SGCZ: variants seen among roughly 807,000 people sequenced by gnomAD.
SGCZ encodes sarcoglycan zeta, also known as zeta-sarcoglycan.
SGCZ carries 40 observed loss-of-function variants against 41.3 expected under a neutral mutation model. The ratio of observed to expected loss-of-function variants is 0.97; its 90% CI spans 0.75 to 1.26. The LOEUF is 1.26. Ranked by LOEUF, SGCZ falls within the 50% of genes most tolerant of loss-of-function variation. SGCZ has a pLI of 0.00. For missense variants in SGCZ, 552 were observed against 369.8 expected, an observed-to-expected ratio of 1.49 and a Z score of -4.04; for synonymous variants, 206 against 137.5, an observed-to-expected ratio of 1.50 and a Z score of -3.49.
At chr8:14,436,152 G>C (rs1029417583) in intron 2 of SGCZ, among the ~76,000 whole-genome samples, 8 of 152,050 alleles carry the variant, frequency 5.3e-5, no homozygotes, top group Admixed American at 4.6e-4. Flanking sequence ...GTGATGTTTC[G>C]ATCCTCTGCC....
At chr8:14,997,165 A>G (rs986188029) in intron 1 of SGCZ, among the ~76,000 whole-genome samples, 2 of 152,148 alleles carry the variant, frequency 1.3e-5, no homozygotes, top group Non-Finnish European at 2.9e-5. Flanking sequence ...TCACATTCAC[A>G]TATCTGTCCC....
chr8:14,467,573 C>T (rs780157611), intron 2 of SGCZ, among the ~76,000 whole-genome samples: 32 of 152,120 alleles, frequency 2.1e-4, no homozygotes, highest in African/African-American at 6.5e-4. Flanking sequence ...GAGGAGCAAT[C>T]GACTGAAATT....
intron 7 of SGCZ, among the ~76,000 whole-genome samples, chr8:14,101,165 A>C (rs529231776): frequency 1.1e-3 from 161 of 152,294 alleles, no homozygotes; most frequent in African/African-American, 3.5e-3. Context: ...AAACATAATC[A>C]CTAAAATTAA....
At chr8:14,730,870 T>C (rs945542976) in intron 1 of SGCZ, among the ~76,000 whole-genome samples, 2 of 151,774 alleles carry the variant, frequency 1.3e-5, no homozygotes, top group Non-Finnish European at 2.9e-5. Context: ...TGGCGATCAA[T>C]AAAAAGTCAG....
At chr8:14,208,980 G>A (rs976936506) in intron 4 of SGCZ, among the ~76,000 whole-genome samples, 1 of 152,140 alleles carries the variant, frequency 6.6e-6, no homozygotes, top group African/African-American at 2.4e-5. Flanking sequence ...GGACAAACAA[G>A]CTGGAAGCTC....
At chr8:14,300,279 C>A (rs527316580) in intron 3 of SGCZ, among the ~76,000 whole-genome samples, 1 of 148,488 alleles carries the variant, frequency 6.7e-6, no homozygotes, top group African/African-American at 2.5e-5. Flanking sequence ...GGAAGGAAGG[C>A]ATAAAGGGAA....
chr8:14,701,516 A>C (rs1450746652), intron 1 of SGCZ, among the ~76,000 whole-genome samples: 2 of 151,934 alleles, frequency 1.3e-5, no homozygotes, highest in African/African-American at 4.8e-5. Flanking sequence ...AATGAAAACA[A>C]CCAGCAATCA....
chr8:14,274,622 T>C (rs2117271708), intron 3 of SGCZ, among the ~76,000 whole-genome samples: 1 of 152,278 alleles, frequency 6.6e-6, no homozygotes, highest in South Asian at 2.1e-4. Flanking sequence ...TTAGTCCAGA[T>C]ACGAGCTTAT....
chr8:14,382,214 C>T (rs924108772), intron 2 of SGCZ, among the ~76,000 whole-genome samples: 13 of 152,024 alleles, frequency 8.6e-5, no homozygotes, highest in Non-Finnish European at 4.4e-5. Flanking sequence ...ATATCATCAC[C>T]CCCTTGAGCT....
chr8:14,774,325 T>C (rs1017553098), intron 1 of SGCZ, among the ~76,000 whole-genome samples: 2 of 152,188 alleles, frequency 1.3e-5, no homozygotes, highest in Admixed American at 1.3e-4. Context: ...ATCAGCCAAT[T>C]TCTTAAGTGT....
At chr8:14,263,355 C>A (rs943145917) in intron 3 of SGCZ, among the ~76,000 whole-genome samples, 4 of 151,998 alleles carry the variant, frequency 2.6e-5, no homozygotes, top group Non-Finnish European at 5.9e-5. Flanking sequence ...TTGAAACCAG[C>A]CTGGCCAACA....
chr8:14,118,409 TGG>T (rs1343922491), intron 5 of SGCZ, among the ~76,000 whole-genome samples: 3 of 151,234 alleles, frequency 2.0e-5, no homozygotes, highest in African/African-American at 7.4e-5. Flanking sequence ...CACTTTTTGA[TGG>T]GGTTGTTTTT....
chr8:14,909,497 C>G (rs776929611), intron 1 of SGCZ, among the ~76,000 whole-genome samples: 2 of 151,982 alleles, frequency 1.3e-5, no homozygotes, highest in African/African-American at 2.4e-5. Context: ...CTTAAATTAT[C>G]TGTGTCTGAT....
intron 1 of SGCZ, among the ~76,000 whole-genome samples, chr8:15,048,596 T>C (rs568561746): frequency 2.6e-5 from 4 of 152,218 alleles, no homozygotes; most frequent in Non-Finnish European, 5.9e-5. Context: ...ATGCACCCCA[T>C]AGATATGTAC....
intron 1 of SGCZ, among the ~76,000 whole-genome samples, chr8:14,650,561 G>A (rs1004714694): frequency 2.6e-5 from 4 of 151,838 alleles, no homozygotes; most frequent in South Asian, 2.1e-4. Context: ...TTGTGTCCAC[G>A]TGTCCTCATC....
At chr8:15,070,268 C>T (rs1395717158) in intron 1 of SGCZ, among the ~76,000 whole-genome samples, 2 of 152,080 alleles carry the variant, frequency 1.3e-5, no homozygotes, top group Non-Finnish European at 2.9e-5. Flanking sequence ...ACACTAAATT[C>T]GGTTTCATTT....
chr8:15,007,309 C>T (rs186006837), intron 1 of SGCZ, among the ~76,000 whole-genome samples: 1 of 152,154 alleles, frequency 6.6e-6, no homozygotes, highest in East Asian at 1.9e-4. Context: ...CACAAAATAC[C>T]GTCTTATAAA....
intron 1 of SGCZ, among the ~76,000 whole-genome samples, chr8:14,857,539 C>A (rs776714113): frequency 6.6e-6 from 1 of 152,208 alleles, no homozygotes; most frequent in East Asian, 1.9e-4. Flanking sequence ...GCTTTAAGAA[C>A]CTCAGAATCA....
rs1427314028 is a variant in SGCZ, at chr8:14,702,966, T to TAGAC, written c.40-148041_40-148040insGTCT. Among the ~76,000 whole-genome samples the TAGAC allele has an allele frequency of 3.0e-3, 366 of 123,702 alleles. 2 individuals carry two copies. Among genetic ancestry groups the TAGAC allele is most frequent in the Non-Finnish European group, 4.9e-3 (257 of 52,640 alleles). 81.2% of individuals were successfully genotyped at this position (123,702 alleles called of 152,430 possible). A position where few individuals can be genotyped will look rare whatever the true frequency, so the allele number is the denominator to read the frequency against. On this transcript the variant is annotated intron_variant, in intron 1 of 7. Transcript: ENST00000382080. ...ATAGATAGATAGATAGATAGATAGA[T>TAGAC]AGATAGACAGACAGACAGACAGATA...
Sources: gnomAD v4.1 joint callset for allele counts (sites outside exome capture counted in the v4.1 genomes callset) on GRCh38, gnomAD v4.1.1 for gene constraint, MANE v1.5 for transcripts, NCBI Gene and HGNC (gene_info 2026-07-23, HGNC 2026-07-21) for gene names.